RIMS2: variants seen among roughly 807,000 people sequenced by gnomAD.
RIMS2 encodes regulating synaptic membrane exocytosis 2.
Under a neutral mutation model 174.4 loss-of-function variants are expected in RIMS2, and 59 were observed. The ratio of observed to expected loss-of-function variants is 0.34; its 90% confidence interval spans 0.27 to 0.42. RIMS2 has a LOEUF of 0.42. RIMS2 is among the 10% of genes least tolerant of loss of function. The pLI is 1.00. For synonymous variants in RIMS2, 606 were observed against 572.5 expected, an observed-to-expected ratio of 1.06 and a Z score of -0.84; for missense variants, 1,620 against 1,666.3, an observed-to-expected ratio of 0.97 and a Z score of 0.48.
chr8:104,060,838 A>G (rs2096971361), intron 19 of RIMS2, among the ~76,000 whole-genome samples: 1 of 152,158 alleles, frequency 6.6e-6, no homozygotes, highest in Admixed American at 6.5e-5. Flanking sequence ...CCCAGTAGTC[A>G]TTCAGGAGCA....
intron 19 of RIMS2, among the ~76,000 whole-genome samples, chr8:104,032,120 G>A (rs968165862): frequency 6.6e-6 from 1 of 151,954 alleles, no homozygotes; most frequent in Non-Finnish European, 1.5e-5. Context: ...TCCCTAAAAA[G>A]TACAATAAAA....
intron 2 of RIMS2, among the ~76,000 whole-genome samples, chr8:103,706,280 G>A (rs771124235): frequency 2.6e-5 from 4 of 151,938 alleles, no homozygotes; most frequent in Non-Finnish European, 5.9e-5. Context: ...TCAACAGATT[G>A]TTGTAGTTAT....
At chr8:103,947,291 T>G (rs1240468570) in intron 14 of RIMS2, among the ~76,000 whole-genome samples, 2 of 152,264 alleles carry the variant, frequency 1.3e-5, no homozygotes, top group African/African-American at 4.8e-5. Context: ...AAGACATCAT[T>G]AAGAAGATTT....
chr8:103,510,613 C>T (rs921657135), intron 1 of RIMS2, among the ~76,000 whole-genome samples: 11 of 152,074 alleles, frequency 7.2e-5, no homozygotes, highest in Admixed American at 4.6e-4. Flanking sequence ...GGTACTTGCA[C>T]ATAACTTGCT....
At chr8:103,718,812 C>T (rs144674415) in intron 2 of RIMS2, among the ~76,000 whole-genome samples, 1,832 of 152,120 alleles carry the variant, frequency 0.012, 36 homozygotes, top group African/African-American at 0.039. Context: ...GGATTACAGG[C>T]GCCTGCCACC....
At chr8:104,162,798 A>G (rs560473693) in intron 19 of RIMS2, among the ~76,000 whole-genome samples, 1 of 152,358 alleles carries the variant, frequency 6.6e-6, no homozygotes, top group South Asian at 2.1e-4. Flanking sequence ...CAAGAAATAC[A>G]TACAAGAAAA....
intron 1 of RIMS2, among the ~76,000 whole-genome samples, chr8:103,654,622 A>G (rs1353132751): frequency 6.6e-6 from 1 of 151,926 alleles, no homozygotes; most frequent in Admixed American, 6.6e-5. Context: ...ATCTTTCTGA[A>G]CCACAGACCA....
In RIMS2 at chr8:103,573,232, T is replaced by A. The variant is rs183472308; in HGVS notation, c.176+72170T>A. On this transcript the variant is annotated intron_variant, in intron 1 of 23. Transcript: ENST00000504942. ...CACCACGCCCAGCTAATTTTTGTAT[T>A]TTTTTTTTTTCAGTAGAGATGAGGT... Among the ~76,000 whole-genome samples the A allele has an allele frequency of 9.0e-3, 1,312 of 145,790 alleles. 14 individuals carry two copies. The highest frequency in any genetic ancestry group is 0.022 in the African/African-American group (814 of 37,722).
intron 1 of RIMS2, among the ~76,000 whole-genome samples, chr8:103,615,200 G>A (rs949847845): frequency 1.1e-4 from 16 of 152,150 alleles, no homozygotes; most frequent in East Asian, 7.7e-4. Flanking sequence ...AGACCATAGC[G>A]CAATAAAAAT....
At chr8:104,068,730 G>T in intron 19 of RIMS2, 118 bp downstream of exon 23, 1 of 594,874 alleles carries the variant, frequency 1.7e-6, no homozygotes, top group East Asian at 2.8e-5. Context: ...ATGGCCCCAT[G>T]ATATTATTAA....
intron 1 of RIMS2, among the ~76,000 whole-genome samples, chr8:103,684,042 A>G (rs1305060292): frequency 6.6e-6 from 1 of 152,214 alleles, no homozygotes; most frequent in Non-Finnish European, 1.5e-5. Context: ...TTAGGTTAGC[A>G]CTTCGAAATC....
At chr8:104,173,840 G>A (rs1406562998) in intron 19 of RIMS2, among the ~76,000 whole-genome samples, 1 of 150,726 alleles carries the variant, frequency 6.6e-6, no homozygotes, top group Non-Finnish European at 1.5e-5. Context: ...GTGTTAGCCA[G>A]GCTCTTCTGA....
intron 4 of RIMS2, among the ~76,000 whole-genome samples, chr8:103,907,921 A>AT (rs907397219): frequency 2.1e-4 from 31 of 148,982 alleles, no homozygotes; most frequent in African/African-American, 6.4e-4. Context: ...AACTTTTTGT[A>AT]TTTTTTTTAG....
intron 2 of RIMS2, among the ~76,000 whole-genome samples, chr8:103,717,138 CTT>C (rs11373218): frequency 3.5e-5 from 4 of 113,080 alleles, no homozygotes; most frequent in Admixed American, 1.0e-4. Context: ...ATAGTGCCTT[CTT>C]TTTTTTTTTT....
chr8:103,630,096 A>G (rs1564086476), intron 1 of RIMS2, among the ~76,000 whole-genome samples: 1 of 151,976 alleles, frequency 6.6e-6, no homozygotes, highest in Non-Finnish European at 1.5e-5. Flanking sequence ...CCAAACCAAA[A>G]GAAATTCAGG....
rs1193981774 is a variant in RIMS2, at chr8:104,078,136, T to C, written c.3334+63521T>C. Among the ~76,000 whole-genome samples, 9 of 146,662 alleles carry C rather than the reference T, an allele frequency of 6.1e-5. No homozygotes were observed. The Admixed American group carries it at 6.1e-4, about 10-fold the overall frequency. ...CCTGGGCAACAAGAGCAAGACTCCA[T>C]CTCAAAAACAAACAAAAAAAACAAA... On this transcript the variant is annotated intron_variant, in intron 19 of 23. Coordinates refer to ENST00000504942, the Ensembl canonical transcript of RIMS2.
intron 1 of RIMS2, among the ~76,000 whole-genome samples, chr8:103,522,575 A>G (rs904658260): frequency 2.0e-5 from 3 of 151,892 alleles, no homozygotes; most frequent in African/African-American, 7.2e-5. Context: ...GCTCTTTGTC[A>G]TTTTCCCATT....
At chr8:103,876,934 C>A (rs2099144029) in intron 3 of RIMS2, among the ~76,000 whole-genome samples, 2 of 107,512 alleles carry the variant, frequency 1.9e-5, no homozygotes, top group South Asian at 3.3e-4. Context: ...ATATACATAA[C>A]ACAGTTTCTT....
intron 19 of RIMS2, among the ~76,000 whole-genome samples, chr8:104,191,208 C>T (rs78291294): frequency 0.034 from 5,116 of 151,910 alleles, 196 homozygotes; most frequent in East Asian, 0.14. Flanking sequence ...GGTTTCTCAG[C>T]GCAGTGAAAA....
Sources: gnomAD v4.1 joint callset for allele counts (sites outside exome capture counted in the v4.1 genomes callset) on GRCh38, gnomAD v4.1.1 for gene constraint, MANE v1.5 for transcripts, NCBI Gene and HGNC (gene_info 2026-07-23, HGNC 2026-07-21) for gene names.